The following PACRG variants were observed in gnomAD, a reference collection of about 807,000 sequenced individuals.
PACRG encodes parkin coregulated gene protein.
A neutral mutation model predicts 29.7 loss-of-function variants in PACRG; 29 were observed. The ratio of observed to expected loss-of-function variants is 0.98; its 90% CI spans 0.73 to 1.33. PACRG has a LOEUF of 1.33. Among genes scored for constraint, PACRG ranks in the 40% most tolerant of loss-of-function variants. PACRG has a pLI of 0.00. For missense variants in PACRG, 279 were observed against 316.2 expected, an observed-to-expected ratio of 0.88 and a Z score of 0.89; for synonymous variants, 116 against 118.7, an observed-to-expected ratio of 0.98 and a Z score of 0.15.
chr6:163,287,087 A>G (rs1172014967), intron 4 of PACRG, among the ~76,000 whole-genome samples: 1 of 152,112 alleles, frequency 6.6e-6, no homozygotes, highest in Non-Finnish European at 1.5e-5. Flanking sequence ...TGCAGCAGAT[A>G]GTACATGAGT....
At chr6:162,748,859 A>G (rs1781299158) in intron 1 of PACRG, among the ~76,000 whole-genome samples, 1 of 152,180 alleles carries the variant, frequency 6.6e-6, no homozygotes, top group Admixed American at 6.5e-5. Context: ...TAAACCATAT[A>G]TATTATAGAA....
At chr6:162,981,052 C>T (rs553892810) in intron 2 of PACRG, among the ~76,000 whole-genome samples, 1 of 151,998 alleles carries the variant, frequency 6.6e-6, no homozygotes, top group African/African-American at 2.4e-5. Context: ...AAACCTCCCA[C>T]TGAGTCCCCA....
chr6:162,843,651 TC>T (rs1269527932), intron 2 of PACRG, among the ~76,000 whole-genome samples: 2 of 138,018 alleles, frequency 1.4e-5, no homozygotes, highest in East Asian at 4.3e-4. Context: ...GGAACTGCGT[TC>T]CTTTGGAGGA....
chr6:163,062,373 G>T, intron 3 of PACRG, 52 bp downstream of exon 3: 1 of 1,521,148 alleles, frequency 6.6e-7, no homozygotes, highest in South Asian at 1.3e-5. Context: ...GTTGCTTTTT[G>T]ACAACTTGCT....
rs1781697927 is a variant in PACRG, at chr6:163,224,295, G to A, written c.614-90532G>A. On this transcript the variant is annotated intron_variant, in intron 4 of 4. Transcript: ENST00000366888. ...AAGGCAGGAGAATAACTTGAACCTG[G>A]GATATGGAGCTTGTGGTGAGCCAAG... Among the ~76,000 whole-genome samples the A allele has an allele frequency of 4.9e-5, 7 of 144,306 alleles. No homozygotes were observed. In the Admixed American group the frequency reaches 5.1e-4, roughly 10 times the overall value. 94.7% of individuals were successfully genotyped at this position (144,306 alleles called of 152,430 possible).
chr6:162,845,688 A>T (rs936195383), intron 2 of PACRG, among the ~76,000 whole-genome samples: 1 of 152,070 alleles, frequency 6.6e-6, no homozygotes, highest in Admixed American at 6.6e-5. Context: ...GAAGCTTAGG[A>T]CTTTAGCCTA....
chr6:163,159,313 T>C (rs896626644), intron 4 of PACRG, among the ~76,000 whole-genome samples: 7 of 148,394 alleles, frequency 4.7e-5, no homozygotes, highest in Non-Finnish European at 4.5e-5. Flanking sequence ...TAATATATAA[T>C]TTATTATATA....
At chr6:163,238,401 T>G (rs1184135836) in intron 4 of PACRG, among the ~76,000 whole-genome samples, 2 of 152,222 alleles carry the variant, frequency 1.3e-5, no homozygotes, top group African/African-American at 4.8e-5. Flanking sequence ...AAGTGCAGTA[T>G]TGGTGTTAGA....
At chr6:162,950,709 C>T (rs545832434) in intron 2 of PACRG, among the ~76,000 whole-genome samples, 27 of 152,186 alleles carry the variant, frequency 1.8e-4, no homozygotes, top group Non-Finnish European at 1.5e-5. Flanking sequence ...GGAAAAAATA[C>T]TACAAATATC....
At chr6:162,751,208 A>G (rs1239935326) in intron 1 of PACRG, among the ~76,000 whole-genome samples, 1 of 152,022 alleles carries the variant, frequency 6.6e-6, no homozygotes. Flanking sequence ...ATCTAACCAT[A>G]TTGGTATTTC....
At chr6:163,047,828 G>A (rs1358285229) in intron 2 of PACRG, among the ~76,000 whole-genome samples, 1 of 151,988 alleles carries the variant, frequency 6.6e-6, no homozygotes, top group Non-Finnish European at 1.5e-5. Context: ...ATCAATATAT[G>A]CATTTATTCA....
At chr6:163,021,038 C>A (rs920123129) in intron 2 of PACRG, among the ~76,000 whole-genome samples, 1 of 152,186 alleles carries the variant, frequency 6.6e-6, no homozygotes, top group Admixed American at 6.5e-5. Flanking sequence ...CCGTCCTGGG[C>A]AGGTGGAGCC....
intron 4 of PACRG, among the ~76,000 whole-genome samples, chr6:163,228,080 A>G (rs1781875825): frequency 6.6e-6 from 1 of 152,218 alleles, no homozygotes. Context: ...GTTTTTAAAT[A>G]TACAGAGAAG....
intron 2 of PACRG, among the ~76,000 whole-genome samples, chr6:162,935,840 A>G (rs1291067142): frequency 1.3e-5 from 2 of 152,198 alleles, no homozygotes; most frequent in Admixed American, 1.3e-4. Flanking sequence ...GTTTGTTATC[A>G]TATATTGAAT....
chr6:162,933,601 CTTTTTTT>C (rs71008119), intron 2 of PACRG, among the ~76,000 whole-genome samples: 6 of 74,608 alleles, frequency 8.0e-5, no homozygotes, highest in East Asian at 4.8e-4. Context: ...CTTTCTGTAT[CTTTTTTT>C]TTTTTTTTTT....
At chr6:163,011,813 C>T (rs1805645617) in intron 2 of PACRG, among the ~76,000 whole-genome samples, 1 of 151,992 alleles carries the variant, frequency 6.6e-6, no homozygotes, top group African/African-American at 2.4e-5. Flanking sequence ...TTTCTTTTTA[C>T]TTTTTAAACT....
intron 2 of PACRG, among the ~76,000 whole-genome samples, chr6:163,033,529 A>G (rs992202966): frequency 6.6e-6 from 1 of 152,264 alleles, no homozygotes; most frequent in Admixed American, 6.5e-5. Flanking sequence ...AAGATTACTT[A>G]AGTCACATGA....
chr6:163,042,607 T>C (rs1051012383), intron 2 of PACRG: 36 of 152,008 alleles, frequency 2.4e-4, no homozygotes, highest in Admixed American at 2.0e-3. Context: ...GTTTCTAAAA[T>C]TACAACCCAG....
intron 2 of PACRG, among the ~76,000 whole-genome samples, chr6:162,906,908 C>T (rs1795972537): frequency 6.6e-6 from 1 of 152,100 alleles, no homozygotes; most frequent in South Asian, 2.1e-4. Flanking sequence ...GAATATAGTG[C>T]ATATGAAAAC....
Sources: gnomAD v4.1 joint callset for allele counts (sites outside exome capture counted in the v4.1 genomes callset) on GRCh38, gnomAD v4.1.1 for gene constraint, MANE v1.5 for transcripts, NCBI Gene and HGNC (gene_info 2026-07-23, HGNC 2026-07-21) for gene names.